STPG2: variants seen among roughly 807,000 people sequenced by gnomAD.
STPG2 encodes the protein sperm tail PG-rich repeat containing 2.
In STPG2, 56 loss-of-function variants were observed where a neutral mutation model predicts 54.2. The observed-to-expected ratio is 1.03, with a 90% confidence interval of 0.83 to 1.29. The LOEUF is 1.29. STPG2 is among the 50% of genes most tolerant of loss of function. The pLI is 0.00. For missense variants in STPG2, 596 were observed against 544.9 expected (o/e 1.09, Z -0.93); for synonymous variants, 200 against 181.8 (o/e 1.10, Z -0.81).
chr4:97,955,025 T>A (rs1304222492), intron 7 of STPG2, among the ~76,000 whole-genome samples: 1 of 151,892 alleles, frequency 6.6e-6, no homozygotes, highest in Non-Finnish European at 1.5e-5. Flanking sequence ...TCCTGAGAAA[T>A]GAATTATTTA....
chr4:97,994,510 A>AT (rs1418683185), intron 5 of STPG2, among the ~76,000 whole-genome samples: 1 of 152,016 alleles, frequency 6.6e-6, no homozygotes, highest in African/African-American at 2.4e-5. Flanking sequence ...GTTTAACTCT[A>AT]TTGCCTCCCC....
chr4:97,902,782 C>T (rs72892930), intron 8 of STPG2, among the ~76,000 whole-genome samples: 1 of 152,010 alleles, frequency 6.6e-6, no homozygotes, highest in Admixed American at 6.6e-5. Context: ...GATCCTGCAA[C>T]TTCACTTTTG....
At chr4:97,772,297 T>A (rs1437281388) in intron 9 of STPG2, among the ~76,000 whole-genome samples, 5 of 152,232 alleles carry the variant, frequency 3.3e-5, no homozygotes, top group Non-Finnish European at 7.3e-5. Context: ...GTAACATATG[T>A]TGAAATCGTA....
intron 8 of STPG2, among the ~76,000 whole-genome samples, chr4:97,895,375 A>G (rs1730919061): frequency 6.6e-6 from 1 of 151,938 alleles, no homozygotes; most frequent in South Asian, 2.1e-4. Context: ...AATTTATTGC[A>G]AAGTATCTCC....
At chr4:97,936,098 C>A (rs1177976809) in intron 8 of STPG2, among the ~76,000 whole-genome samples, 1 of 152,112 alleles carries the variant, frequency 6.6e-6, no homozygotes, top group Non-Finnish European at 1.5e-5. Flanking sequence ...ATAGTTAATT[C>A]TTCTTATTAA....
At chr4:97,774,618 CTTGGTGG>C (rs1357238087) in intron 9 of STPG2, among the ~76,000 whole-genome samples, 30 of 152,040 alleles carry the variant, frequency 2.0e-4, no homozygotes, top group African/African-American at 7.2e-4. Flanking sequence ...TTTGCTTTCT[CTTGGTGG>C]TACTTTGTTC....
intron 7 of STPG2, among the ~76,000 whole-genome samples, chr4:97,963,747 A>C (rs1733987208): frequency 6.6e-6 from 1 of 151,870 alleles, no homozygotes; most frequent in Admixed American, 6.6e-5. Flanking sequence ...ATATATATTT[A>C]TTTATACTTA....
chr4:98,022,574 G>A (rs549339750), intron 5 of STPG2, among the ~76,000 whole-genome samples: 2 of 151,876 alleles, frequency 1.3e-5, no homozygotes, highest in Non-Finnish European at 2.9e-5. Context: ...TGCCTTGCTA[G>A]ATTGGGGAAG....
At chr4:97,643,785 A>G (rs1482696974) in intron 10 of STPG2, among the ~76,000 whole-genome samples, 1 of 151,794 alleles carries the variant, frequency 6.6e-6, no homozygotes, top group Non-Finnish European at 1.5e-5. Flanking sequence ...CGAGTGTCTG[A>G]TATTATAAGA....
chr4:97,809,252 G>A (rs1727664508), intron 9 of STPG2, among the ~76,000 whole-genome samples: 2 of 152,104 alleles, frequency 1.3e-5, no homozygotes, highest in Non-Finnish European at 2.9e-5. Flanking sequence ...TTGTAAAAAG[G>A]AAGGACTATA....
At chr4:97,784,103 A>G (rs1726746916) in intron 9 of STPG2, among the ~76,000 whole-genome samples, 1 of 151,718 alleles carries the variant, frequency 6.6e-6, no homozygotes, top group Non-Finnish European at 1.5e-5. Context: ...AGGAAATCAG[A>G]AAGTATCTGG....
intron 4 of STPG2, among the ~76,000 whole-genome samples, chr4:97,548,011 G>T (rs1300627810): frequency 6.6e-6 from 1 of 151,742 alleles, no homozygotes; most frequent in African/African-American, 2.4e-5. Flanking sequence ...TTAGCCGGGC[G>T]TGGTGGCGCA....
intron 5 of STPG2, among the ~76,000 whole-genome samples, chr4:98,011,733 T>C (rs1288031894): frequency 6.6e-6 from 1 of 152,246 alleles, no homozygotes; most frequent in East Asian, 1.9e-4. Context: ...TTTTTTCATA[T>C]GTTTGTTGGC....
At chr4:98,131,683 T>G (rs1358815364) in intron 2 of STPG2, among the ~76,000 whole-genome samples, 2 of 152,160 alleles carry the variant, frequency 1.3e-5, no homozygotes, top group Non-Finnish European at 2.9e-5. Context: ...AGAGGTAGCC[T>G]TTGATGTAAA....
chr4:97,562,105 C>T (rs1346086661), intron 10 of STPG2, among the ~76,000 whole-genome samples: 1 of 152,138 alleles, frequency 6.6e-6, no homozygotes, highest in African/African-American at 2.4e-5. Flanking sequence ...TTTGTATCCT[C>T]TTTTATTTCA....
chr4:97,454,437 C>T (rs1379876235), intron 4 of STPG2, among the ~76,000 whole-genome samples: 6 of 144,758 alleles, frequency 4.1e-5, no homozygotes, highest in South Asian at 2.2e-4. Context: ...GGCGTGAACC[C>T]GGGAAGCAGA....
chr4:97,885,764 CGTTG>C lies in STPG2; in HGVS notation c.1045-44836_1045-44833del, dbSNP rs565633362. Among the ~76,000 whole-genome samples, 85 of 152,166 alleles carry C rather than the reference CGTTG, an allele frequency of 5.6e-4. 1 individual carries two copies. The highest frequency in any genetic ancestry group is 5.5e-3 in the Admixed American group (84 of 15,268). On this transcript the variant is annotated intron_variant, in intron 8 of 10. Coordinates refer to ENST00000295268, the MANE Select transcript of STPG2 (RefSeq NM_174952.3). Reference sequence around the variant, plus strand: ...GTTGTGGGAATTGTGTATCCATGGACGTTGGTATACGCAGGAGGCCCTGGAACCA... The same window carrying C: ...GTTGTGGGAATTGTGTATCCATGGACGTATACGCAGGAGGCCCTGGAACCA...
At chr4:97,533,408 GTTA>G (rs1241389378) in intron 4 of STPG2, among the ~76,000 whole-genome samples, 2 of 151,564 alleles carry the variant, frequency 1.3e-5, no homozygotes, top group Non-Finnish European at 2.9e-5. Context: ...GTGTGTTGTC[GTTA>G]TTGTTTCTTA....
chr4:97,787,254 G>A (rs898089410), intron 9 of STPG2, among the ~76,000 whole-genome samples: 2 of 152,092 alleles, frequency 1.3e-5, no homozygotes, highest in Non-Finnish European at 2.9e-5. Flanking sequence ...TAACAATGGT[G>A]AGAGTGGGCA....
Sources: allele counts gnomAD v4.1 joint callset (sites outside exome capture counted in the v4.1 genomes callset), GRCh38; gene constraint gnomAD v4.1.1; transcripts MANE v1.5; gene names NCBI Gene and HGNC (gene_info 2026-07-23, HGNC 2026-07-21).